Variants in DESI2 observed in about 807,000 individuals in gnomAD.
DESI2 encodes the protein desumoylating isopeptidase 2.
DESI2 carries 10 observed loss-of-function variants against 24.1 expected under a neutral mutation model. That is an observed-to-expected ratio of 0.41 (90% CI 0.26 to 0.70). The LOEUF is 0.70. DESI2 is among the 30% of genes least tolerant of loss of function. The pLI is 0.29. For synonymous variants in DESI2, 71 were observed against 87.7 expected (o/e 0.81, Z 1.06); for missense variants, 122 against 234.9 (o/e 0.52, Z 3.14).
intron 1 of DESI2, among the ~76,000 whole-genome samples, chr1:244,683,197 G>A (rs894801752): frequency 6.6e-6 from 1 of 152,188 alleles, no homozygotes; most frequent in Non-Finnish European, 1.5e-5. Context: ...AGCAAGGGTT[G>A]GGGGTTCTTG....
At chr1:244,661,969 C>A (rs1675861974) in intron 1 of DESI2, among the ~76,000 whole-genome samples, 1 of 152,100 alleles carries the variant, frequency 6.6e-6, no homozygotes, top group African/African-American at 2.4e-5. Context: ...GTTCTAGATC[C>A]CTGAGGAATT....
chr1:244,701,683 T>A (rs1389050946), intron 4 of DESI2, among the ~76,000 whole-genome samples: 1 of 152,226 alleles, frequency 6.6e-6, no homozygotes. Context: ...CTATAAATTT[T>A]ATTCTCTGCC....
chr1:244,692,060 T>G, intron 4 of DESI2, 40 bp downstream of exon 4: 3 of 1,525,070 alleles, frequency 2.0e-6, no homozygotes, highest in Non-Finnish European at 1.8e-6. Context: ...CAAATAAATA[T>G]TTGCTATCCC....
intron 1 of DESI2, among the ~76,000 whole-genome samples, chr1:244,683,819 C>T (rs1676719813): frequency 6.6e-6 from 1 of 151,252 alleles, no homozygotes; most frequent in Non-Finnish European, 1.5e-5. Context: ...CTCCCGGGCT[C>T]AGTTCTCCCA....
chr1:244,670,754 A>AGATT (rs1481909304), intron 1 of DESI2, among the ~76,000 whole-genome samples: 1 of 152,248 alleles, frequency 6.6e-6, no homozygotes, highest in Non-Finnish European at 1.5e-5. Flanking sequence ...TTTTTGAGAC[A>AGATT]GATTGAGTAC....
chr1:244,691,066 C>T (rs1324144037), intron 3 of DESI2, among the ~76,000 whole-genome samples: 7 of 152,152 alleles, frequency 4.6e-5, no homozygotes, highest in Non-Finnish European at 1.5e-5. Flanking sequence ...GTCGCCTTTC[C>T]AAGGTAGTAG....
Position 244,665,141 on chromosome 1 carries a change from T to C in DESI2, c.42+11786T>C, listed in dbSNP as rs1389725496. ...GCAAGTTTTGATATCAGTTTTGATATTGAATCTTCCGATATTAATACCTGA... is the reference window on the plus strand; with the variant it reads ...GCAAGTTTTGATATCAGTTTTGATACTGAATCTTCCGATATTAATACCTGA... On this transcript the variant is annotated intron_variant, in intron 1 of 4. Transcript: ENST00000302550. Among the ~76,000 whole-genome samples, 4 of 152,216 alleles carry C rather than the reference T, an allele frequency of 2.6e-5. No homozygotes were observed. In the East Asian group the frequency reaches 7.7e-4, roughly 29 times the overall value.
intron 1 of DESI2, among the ~76,000 whole-genome samples, chr1:244,662,471 G>C (rs1675883047): frequency 1.3e-5 from 2 of 152,126 alleles, no homozygotes; most frequent in African/African-American, 4.8e-5. Flanking sequence ...GGGAAGAACT[G>C]ACATCTTTTC....
intron 4 of DESI2, among the ~76,000 whole-genome samples, chr1:244,699,530 C>T (rs1429650039): frequency 2.4e-5 from 3 of 124,204 alleles, no homozygotes; most frequent in South Asian, 2.7e-4. Flanking sequence ...TGCAGGGAGC[C>T]GAGATTGTGC....
chr1:244,671,635 C>T (rs1294966927), intron 1 of DESI2, among the ~76,000 whole-genome samples: 1 of 152,176 alleles, frequency 6.6e-6, no homozygotes, highest in South Asian at 2.1e-4. Context: ...CTTTTGGCGT[C>T]TGCTACTATT....
Position 244,687,731 on chromosome 1 carries a change from C to T in DESI2, c.115+1062C>T, listed in dbSNP as rs138014654. ...TATTTTACTTGAAAGTCTGCATCTACCAAATAATCCCAGGAAATACTGAGG... is the reference window on the plus strand; with the variant it reads ...TATTTTACTTGAAAGTCTGCATCTATCAAATAATCCCAGGAAATACTGAGG... On this transcript the variant is annotated intron_variant, in intron 2 of 4. Coordinates refer to ENST00000302550, the MANE Select transcript of DESI2 (RefSeq NM_016076.5). Among the ~76,000 whole-genome samples the T allele has an allele frequency of 1.5e-4, 23 of 152,306 alleles. No homozygotes were observed. In the East Asian group the frequency reaches 4.2e-3, roughly 28 times the overall value.
At chr1:244,676,617 CTCTTA>C (rs573565566) in intron 1 of DESI2, among the ~76,000 whole-genome samples, 48 of 151,832 alleles carry the variant, frequency 3.2e-4, no homozygotes, top group South Asian at 3.1e-3. Context: ...AGAGCAGACA[CTCTTA>C]TCTTATTTTT....
chr1:244,693,454 C>A (rs762878750), intron 4 of DESI2, among the ~76,000 whole-genome samples: 168 of 150,712 alleles, frequency 1.1e-3, no homozygotes, highest in Non-Finnish European at 1.9e-3. Flanking sequence ...TTTTGAGATG[C>A]AGTTTTGCTC....
chr1:244,677,918 T>A (rs1273802687), intron 1 of DESI2, among the ~76,000 whole-genome samples: 1 of 152,116 alleles, frequency 6.6e-6, no homozygotes, highest in Non-Finnish European at 1.5e-5. Context: ...AGACCCTGTC[T>A]CTAAAAAAAT....
rs1237791316 is a variant in DESI2 at position 244,689,544 on chromosome 1, C to CT, written c.209+203dup. Among the ~76,000 whole-genome samples, 1 of 151,724 alleles carries CT rather than the reference C, an allele frequency of 6.6e-6. No individual in the cohort carries two copies. Among genetic ancestry groups the CT allele is most frequent in the Non-Finnish European group, 1.5e-5 (1 of 67,964 alleles). On this transcript the variant is annotated intron_variant, in intron 3 of 4. Transcript: ENST00000302550. The surrounding 1 kb of genome is among the most constrained non-coding windows in gnomAD (Gnocchi z 4.0). ...TTTTTTTTTGAGATGGAGTCTCACT[C>CT]TGTCTCCCAGGCTGGAGAGAAGTGG... is the stretch of plus-strand genomic sequence containing the variant.
At chr1:244,697,177 C>T (rs1050177223) in intron 4 of DESI2, among the ~76,000 whole-genome samples, 6 of 152,118 alleles carry the variant, frequency 3.9e-5, no homozygotes, top group South Asian at 4.2e-4. Context: ...ATCACCAAAA[C>T]GGGGCGGTTG....
chr1:244,659,771 G>T (rs1675775138), intron 1 of DESI2, among the ~76,000 whole-genome samples: 1 of 152,188 alleles, frequency 6.6e-6, no homozygotes, highest in Non-Finnish European at 1.5e-5. Context: ...CATGTTCACA[G>T]GTTCTGGGAA....
rs1677694342 is a variant in DESI2 at position 244,706,140 on chromosome 1, C to T, written c.*351C>T. On this transcript the variant is annotated 3_prime_UTR_variant, in exon 5 of 5. Transcript: ENST00000302550. ...TGAAAGAAGAAAATCTTCATGTCTT[C>T]AAAAATTAGGCAGGTAATCTTTGTA... The T allele has an allele frequency of 4.7e-6, 1 of 212,738 alleles. No homozygotes were observed. Among genetic ancestry groups the T allele is most frequent in the African/African-American group, 2.3e-5 (1 of 42,800 alleles). The allele number at this position is 212,738 out of a possible 1,614,324, so 13.2% of individuals were successfully genotyped here.
intron 1 of DESI2, among the ~76,000 whole-genome samples, chr1:244,683,624 T>G (rs1357665607): frequency 6.6e-6 from 1 of 152,166 alleles, no homozygotes; most frequent in African/African-American, 2.4e-5. Context: ...TGCCATATAT[T>G]ACTTTGCAAC....
Sources: gnomAD v4.1 joint callset for allele counts (sites outside exome capture counted in the v4.1 genomes callset) on GRCh38, gnomAD v4.1.1 for gene constraint, Gnocchi (gnomAD v3.1) non-coding constraint, MANE v1.5 for transcripts, NCBI Gene and HGNC (gene_info 2026-07-23, HGNC 2026-07-21) for gene names.